PAN3: variants seen among roughly 807,000 people sequenced by gnomAD.
The protein encoded by PAN3 is poly(A) specific ribonuclease subunit PAN3.
In PAN3, 19 loss-of-function variants were observed where a neutral mutation model predicts 96.2. That is an observed-to-expected ratio of 0.20 (90% CI 0.14 to 0.29). PAN3 has a LOEUF of 0.29. Ranked by LOEUF, PAN3 falls within the 10% of genes least tolerant of loss-of-function variation. The probability of loss-of-function intolerance (pLI) is 1.00; values close to 1 mark genes in which losing one functional copy is unlikely to be tolerated. For missense variants in PAN3, 882 were observed against 1,108.1 expected, an observed-to-expected ratio of 0.80 and a Z score of 2.90; for synonymous variants, 433 against 406.6, an observed-to-expected ratio of 1.06 and a Z score of -0.78.
At chr13:28,192,099 G>A (rs1256347895) in intron 4 of PAN3, among the ~76,000 whole-genome samples, 1 of 143,772 alleles carries the variant, frequency 7.0e-6, no homozygotes, top group Non-Finnish European at 1.5e-5. Flanking sequence ...AGGCTGGAGT[G>A]CAGTGGCACC....
intron 1 of PAN3, among the ~76,000 whole-genome samples, chr13:28,147,054 G>T (rs145201771): frequency 6.6e-6 from 1 of 152,048 alleles, no homozygotes. Context: ...TGTGATCACC[G>T]TCATACATTT....
chr13:28,292,148 A>T (rs1211878036), intron 18 of PAN3, among the ~76,000 whole-genome samples: 1 of 152,196 alleles, frequency 6.6e-6, no homozygotes, highest in Non-Finnish European at 1.5e-5. Context: ...TGGGTAAACT[A>T]TAATACAAAC....
At chr13:28,204,522 G>T (rs1023884894) in intron 5 of PAN3, among the ~76,000 whole-genome samples, 1 of 152,150 alleles carries the variant, frequency 6.6e-6, no homozygotes, top group African/African-American at 2.4e-5. Flanking sequence ...TTAGAGTACA[G>T]CCTGCAGTTA....
At chr13:28,166,466 G>T (rs1873553229) in intron 1 of PAN3, among the ~76,000 whole-genome samples, 1 of 152,180 alleles carries the variant, frequency 6.6e-6, no homozygotes, top group Non-Finnish European at 1.5e-5. Context: ...TTTATCTGGG[G>T]CAACCCTTAA....
intron 1 of PAN3, among the ~76,000 whole-genome samples, chr13:28,146,132 AAAAT>A (rs975265815): frequency 1.3e-5 from 2 of 151,924 alleles, no homozygotes; most frequent in East Asian, 1.9e-4. Flanking sequence ...GTATAAAGTC[AAAAT>A]AAATCAGTCT....
chr13:28,172,820 G>T (rs1334683879), intron 1 of PAN3, among the ~76,000 whole-genome samples: 1 of 152,150 alleles, frequency 6.6e-6, no homozygotes, highest in African/African-American at 2.4e-5. Context: ...ACTTATAGAG[G>T]CTGAGATGAG....
chr13:28,241,896 A>G (rs1883697642), intron 6 of PAN3, among the ~76,000 whole-genome samples: 1 of 151,324 alleles, frequency 6.6e-6, no homozygotes, highest in Non-Finnish European at 1.5e-5. Flanking sequence ...TTCTCAAGTC[A>G]TCTGTTCAAG....
At chr13:28,182,904 A>G (rs541530345) in intron 4 of PAN3, among the ~76,000 whole-genome samples, 2 of 152,316 alleles carry the variant, frequency 1.3e-5, no homozygotes, top group African/African-American at 2.4e-5. Flanking sequence ...CTTGACATTT[A>G]AAAGTTTTCT....
intron 17 of PAN3, among the ~76,000 whole-genome samples, chr13:28,287,763 A>G (rs1049891424): frequency 4.6e-5 from 7 of 152,362 alleles, no homozygotes; most frequent in Middle Eastern, 3.4e-3. Context: ...TAAAATAGGA[A>G]TGCATAAGGG....
At chr13:28,286,095 G>A (rs1003558618) in intron 17 of PAN3, among the ~76,000 whole-genome samples, 10 of 152,206 alleles carry the variant, frequency 6.6e-5, no homozygotes, top group African/African-American at 2.4e-4. Flanking sequence ...CTTTCTCTGT[G>A]ATAAAGCAGT....
chr13:28,215,046 A>G, intron 5 of PAN3: 1 of 1,104,634 alleles, frequency 9.1e-7, no homozygotes, highest in Non-Finnish European at 1.4e-6. Context: ...CAGCACTTAT[A>G]TTAATAAAAT....
At chr13:28,229,183 A>T (rs2138427229) in intron 6 of PAN3, among the ~76,000 whole-genome samples, 1 of 152,340 alleles carries the variant, frequency 6.6e-6, no homozygotes, top group East Asian at 1.9e-4. Context: ...AAAAGTTTTT[A>T]ACAGTTGATC....
chr13:28,202,062 T>TC (rs954671739), intron 5 of PAN3, among the ~76,000 whole-genome samples: 4 of 151,936 alleles, frequency 2.6e-5, no homozygotes, highest in Middle Eastern at 3.4e-3. Context: ...ATTTTTTTTT[T>TC]CCCCCCTGGA....
chr13:28,174,248 A>G, intron 1 of PAN3, 24 bp from the exon 2 acceptor site: 12 of 1,600,514 alleles, frequency 7.5e-6, no homozygotes, highest in Non-Finnish European at 1.0e-5. Flanking sequence ...AATTTTAAAT[A>G]CTTGAATTTT....
intron 7 of PAN3, 130 bp from the exon 8 acceptor site, chr13:28,260,317 C>A (rs1377491452): frequency 3.4e-6 from 2 of 589,322 alleles, no homozygotes; most frequent in Admixed American, 5.3e-5. Flanking sequence ...TCACTTGAAC[C>A]CGGGAGGCAG....
chr13:28,228,319 T>C (rs1882208604), intron 6 of PAN3, among the ~76,000 whole-genome samples: 1 of 152,154 alleles, frequency 6.6e-6, no homozygotes, highest in African/African-American at 2.4e-5. Context: ...ATGTAGTTAC[T>C]CTAGAGTAGG....
intron 2 of PAN3, 26 bp from the exon 3 acceptor site, chr13:28,176,467 T>A (rs999291410): frequency 2.5e-6 from 4 of 1,592,812 alleles, no homozygotes; most frequent in Non-Finnish European, 2.6e-6. Context: ...CTCAGTGATG[T>A]TATAAATAAA....
At chr13:28,215,692 A>G in intron 5 of PAN3, 12 of 1,487,272 alleles carry the variant, frequency 8.1e-6, no homozygotes, top group Non-Finnish European at 1.1e-5. Context: ...AAATTCTTGA[A>G]GTCTGGTGAT....
At chr13:28,143,240 T>A (rs1437848908) in intron 1 of PAN3, among the ~76,000 whole-genome samples, 1 of 152,070 alleles carries the variant, frequency 6.6e-6, no homozygotes, top group Non-Finnish European at 1.5e-5. Context: ...AGGTATGCCG[T>A]ACCATGTAGC....
Sources: gnomAD v4.1 joint callset for allele counts (sites outside exome capture counted in the v4.1 genomes callset) on GRCh38, gnomAD v4.1.1 for gene constraint, MANE v1.5 for transcripts, NCBI Gene and HGNC (gene_info 2026-07-23, HGNC 2026-07-21) for gene names.